RRM2: variants seen among roughly 807,000 people sequenced by gnomAD.
RRM2 encodes the protein ribonucleotide reductase regulatory subunit M2.
Under a neutral mutation model 45.9 loss-of-function variants are expected in RRM2, and 6 were observed. The observed-to-expected ratio is 0.13, with a 90% confidence interval of 0.07 to 0.26. The LOEUF (loss-of-function observed/expected upper bound fraction) is 0.26, where lower values mean the gene tolerates loss of function less well. RRM2 is among the 10% of genes least tolerant of loss of function. The pLI is 1.00. For missense variants in RRM2, 343 were observed against 489.5 expected, an observed-to-expected ratio of 0.70 and a Z score of 2.82; for synonymous variants, 177 against 173.0, an observed-to-expected ratio of 1.02 and a Z score of -0.18.
At chr2:10,149,749 C>T (rs559241519) in intron 3 of RRM2, among the ~76,000 whole-genome samples, 22 of 152,294 alleles carry the variant, frequency 1.4e-4, no homozygotes, top group African/African-American at 5.3e-4. Flanking sequence ...CTGGTGATTC[C>T]TCTTTTTGCC....
chr2:10,194,920 G>A (rs779359479), intron 3 of RRM2, among the ~76,000 whole-genome samples: 84 of 152,218 alleles, frequency 5.5e-4, no homozygotes, highest in Non-Finnish European at 1.3e-4. Context: ...TCTTGGGCAA[G>A]TTGCTTGCTA....
Position 10,195,018 on chromosome 2 carries a change from C to T in RRM2, n.483-15293C>T, listed in dbSNP as rs1040100192. On this transcript the variant is annotated intron_variant and non_coding_transcript_variant, in intron 3 of 3. Transcript: ENST00000381786. The surrounding 1 kb of genome is among the most constrained non-coding windows in gnomAD (Gnocchi z 4.9). ...GTTTACAGCCAAGGCCTGTGAGGCACGTGACCACCAAAACCCTCACGAGGC... is the reference window on the plus strand; with the variant it reads ...GTTTACAGCCAAGGCCTGTGAGGCATGTGACCACCAAAACCCTCACGAGGC... Among the ~76,000 whole-genome samples the T allele has an allele frequency of 2.0e-5, 3 of 152,186 alleles. No individual in the cohort carries two copies. Among genetic ancestry groups the T allele is most frequent in the Non-Finnish European group, 2.9e-5 (2 of 68,042 alleles).
Position 10,172,870 on chromosome 2 carries a change from G to A in RRM2, n.482+30495G>A, listed in dbSNP as rs182144028. Reference sequence around the variant, plus strand: ...GAGCAGGGGCCCGGTGTGACCACACGGATCCCATACCGGTGATGCCAACCC... The same window carrying A: ...GAGCAGGGGCCCGGTGTGACCACACAGATCCCATACCGGTGATGCCAACCC... On this transcript the variant is annotated intron_variant and non_coding_transcript_variant, in intron 3 of 3. Transcript: ENST00000381786. This position sits in a 1 kb window ranked among gnomAD's most constrained non-coding sequence, Gnocchi z 4.9. 2.6e-5 allele frequency among the ~76,000 whole-genome samples: 4 copies of A among 152,354 alleles called. No individual in the cohort carries two copies. Among genetic ancestry groups the A allele is most frequent in the African/African-American group, 4.8e-5 (2 of 41,576 alleles).
At chr2:10,178,487 T>C (rs1663978635) in intron 3 of RRM2, among the ~76,000 whole-genome samples, 2 of 152,100 alleles carry the variant, frequency 1.3e-5, no homozygotes, top group African/African-American at 4.8e-5. Context: ...CCTCCCAAAG[T>C]GCTGGAATTA....
chr2:10,139,656 C>G (rs1663045431), upstream of RRM2, among the ~76,000 whole-genome samples: 2 of 152,326 alleles, frequency 1.3e-5, no homozygotes, highest in Middle Eastern at 3.4e-3. Flanking sequence ...TGAGCCATCT[C>G]TATGGTCCCA....
intron 3 of RRM2, among the ~76,000 whole-genome samples, chr2:10,150,291 C>CA (rs1329206766): frequency 2.0e-5 from 3 of 151,984 alleles, no homozygotes; most frequent in Non-Finnish European, 4.4e-5. Flanking sequence ...ACTAAAAATA[C>CA]AAAAAATTAG....
chr2:10,207,118 C>G (rs1417419734), intron 3 of RRM2, among the ~76,000 whole-genome samples: 1 of 152,214 alleles, frequency 6.6e-6, no homozygotes, highest in Non-Finnish European at 1.5e-5. Context: ...CCCAGCGCCT[C>G]CTGGGACTTT....
At chr2:10,151,956 AT>A (rs34644213) in intron 3 of RRM2, among the ~76,000 whole-genome samples, 134,019 of 149,290 alleles carry the variant, frequency 0.9, 60,348 homozygotes, top group African/African-American at 0.98. Context: ...TTTTTATTTT[AT>A]TTTTTTTTTG....
chr2:10,144,117 C>A (rs1178306758), intron 3 of RRM2, among the ~76,000 whole-genome samples: 1 of 152,178 alleles, frequency 6.6e-6, no homozygotes, highest in African/African-American at 2.4e-5. Context: ...AAGGGGGTAG[C>A]GGAAGGATGG....
At chr2:10,163,598 G>A (rs895856803) in intron 3 of RRM2, among the ~76,000 whole-genome samples, 1 of 152,140 alleles carries the variant, frequency 6.6e-6, no homozygotes, top group African/African-American at 2.4e-5. Flanking sequence ...CACTCATCCC[G>A]GGCAGTGGCG....
intron 3 of RRM2, among the ~76,000 whole-genome samples, chr2:10,193,975 T>G (rs1664362128): frequency 6.6e-6 from 1 of 152,160 alleles, no homozygotes; most frequent in African/African-American, 2.4e-5. Flanking sequence ...ATTTCACAAA[T>G]TAACATAAAT....
At chr2:10,132,203 G>A (rs532690726), downstream of RRM2, among the ~76,000 whole-genome samples, 1 of 152,374 alleles carries the variant, frequency 6.6e-6, no homozygotes, top group East Asian at 1.9e-4. Context: ...TGAACAAACA[G>A]CAGCTCTCTT....
intron 3 of RRM2, among the ~76,000 whole-genome samples, chr2:10,148,770 T>C (rs1402219201): frequency 1.3e-5 from 2 of 152,236 alleles, no homozygotes; most frequent in Admixed American, 6.5e-5. Flanking sequence ...TTCTTTTACT[T>C]CAAGAAAATT....
chr2:10,156,056 C>G (rs966931228), intron 3 of RRM2: 5 of 152,192 alleles, frequency 3.3e-5, no homozygotes, highest in Non-Finnish European at 5.9e-5. Flanking sequence ...CAGGAAGAAC[C>G]CTGCTGGCAC....
intron 3 of RRM2, among the ~76,000 whole-genome samples, chr2:10,200,173 T>C (rs1309795585): frequency 6.6e-6 from 1 of 152,182 alleles, no homozygotes. Flanking sequence ...AGAATAATTA[T>C]TTTTACATAG....
At chr2:10,128,752 G>A in intron 7 of RRM2, 96 bp from the exon 8 acceptor site, 1 of 857,486 alleles carries the variant, frequency 1.2e-6, no homozygotes, top group Non-Finnish European at 1.9e-6. Flanking sequence ...TGAGCATGTT[G>A]GATAAGGAGA....
chr2:10,158,515 G>GCCACCTCTGCTGCCTGCCCTAACT (rs1399687499), intron 3 of RRM2, among the ~76,000 whole-genome samples: 2 of 151,924 alleles, frequency 1.3e-5, no homozygotes, highest in Non-Finnish European at 1.5e-5. Flanking sequence ...GGGTCCCTGA[G>GCCACCTCTGCTGCCTGCCCTAACT]CCACCTCTGC....
At chr2:10,158,148 T>C (rs1217529600) in intron 3 of RRM2, among the ~76,000 whole-genome samples, 1 of 152,066 alleles carries the variant, frequency 6.6e-6, no homozygotes, top group Admixed American at 6.5e-5. Context: ...ATTTTACGGA[T>C]GAAAAAAATA....
downstream of RRM2, among the ~76,000 whole-genome samples, chr2:10,134,154 G>C (rs1478523924): frequency 5.9e-5 from 7 of 118,172 alleles, no homozygotes; most frequent in South Asian, 1.9e-3. Flanking sequence ...TGGGCGACAA[G>C]AGTGAAACTC....
Sources: allele counts gnomAD v4.1 joint callset (sites outside exome capture counted in the v4.1 genomes callset), GRCh38; gene constraint gnomAD v4.1.1; non-coding constraint Gnocchi (gnomAD v3.1); transcripts MANE v1.5; gene names NCBI Gene and HGNC (gene_info 2026-07-23, HGNC 2026-07-21).